The following SFI1 variants were observed in gnomAD, a reference collection of about 807,000 sequenced individuals.
The protein encoded by SFI1 is protein SFI1 homolog.
In SFI1, 195 loss-of-function variants were observed where a neutral mutation model predicts 207.5. The observed-to-expected ratio is 0.94, with a 90% CI of 0.84 to 1.06. The LOEUF (loss-of-function observed/expected upper bound fraction) is 1.06, where lower values mean the gene tolerates loss of function less well. SFI1 is among the 50% of genes least tolerant of loss of function. The pLI is 0.00. For missense variants in SFI1, 1,634 were observed against 1,588.0 expected, an observed-to-expected ratio of 1.03 and a Z score of -0.49; for synonymous variants, 630 against 598.9, an observed-to-expected ratio of 1.05 and a Z score of -0.76.
At chr22:31,500,052 G>C (rs1349146432) in intron 1 of SFI1, among the ~76,000 whole-genome samples, 1 of 148,872 alleles carries the variant, frequency 6.7e-6, no homozygotes, top group Non-Finnish European at 1.5e-5. Flanking sequence ...TGCATTACAG[G>C]CTCATGCCTG....
chr22:31,521,652 A>G (rs1188523682), intron 2 of SFI1: 1 of 152,208 alleles, frequency 6.6e-6, no homozygotes, highest in African/African-American at 2.4e-5. Flanking sequence ...ACACAGTGAG[A>G]TCCTACCACC....
At chr22:31,577,200 G>A (rs529796104) in intron 10 of SFI1, among the ~76,000 whole-genome samples, 2 of 152,280 alleles carry the variant, frequency 1.3e-5, no homozygotes, top group East Asian at 1.9e-4. Flanking sequence ...CTGTGAGAGC[G>A]ACTGTGGAGA....
At chr22:31,564,354 A>G (rs570893656) in intron 8 of SFI1, among the ~76,000 whole-genome samples, 5 of 151,580 alleles carry the variant, frequency 3.3e-5, no homozygotes, top group African/African-American at 7.3e-5. Flanking sequence ...ATTAGCAGCT[A>G]GCCAAGTACT....
chr22:31,521,640 A>G (rs986151763), intron 2 of SFI1: 1 of 152,332 alleles, frequency 6.6e-6, no homozygotes, highest in African/African-American at 2.4e-5. Flanking sequence ...GGCTAGTCAG[A>G]CACACAGTGA....
intron 14 of SFI1, among the ~76,000 whole-genome samples, chr22:31,586,226 A>G (rs537239465): frequency 1.5e-4 from 23 of 151,908 alleles, no homozygotes; most frequent in African/African-American, 5.1e-4. Flanking sequence ...TCCAGCTCAG[A>G]TGTCACCTCC....
At chr22:31,602,064 C>A in intron 15 of SFI1, 148 bp from the exon 16 acceptor site, 2 of 686,002 alleles carry the variant, frequency 2.9e-6, no homozygotes, top group East Asian at 5.2e-5. Context: ...GGATTGCAGA[C>A]ATGGGCCACT....
intron 15 of SFI1, among the ~76,000 whole-genome samples, chr22:31,601,193 G>A (rs1238097367): frequency 1.4e-5 from 2 of 144,952 alleles, no homozygotes; most frequent in South Asian, 2.2e-4. Context: ...GCACGATCTC[G>A]GCTCACTGCA....
At chr22:31,567,198 C>T (rs1413621805) in intron 8 of SFI1, among the ~76,000 whole-genome samples, 1 of 152,236 alleles carries the variant, frequency 6.6e-6, no homozygotes, top group Non-Finnish European at 1.5e-5. Flanking sequence ...AGCCACCGCA[C>T]CTGGCCAAGC....
intron 22 of SFI1, 150 bp from the exon 23 acceptor site, chr22:31,610,992 GC>G (rs982401922): frequency 2.0e-5 from 20 of 1,000,994 alleles, no homozygotes; most frequent in Middle Eastern, 2.9e-4. Context: ...CTAGAGAGGG[GC>G]CATGGTCCAT....
intron 1 of SFI1, among the ~76,000 whole-genome samples, chr22:31,506,232 G>T (rs2054616418): frequency 2.6e-5 from 4 of 151,972 alleles, no homozygotes. Context: ...ACTTTTAGTA[G>T]AGATGGAGTT....
chr22:31,577,775 A>G (rs1265059271), intron 10 of SFI1, among the ~76,000 whole-genome samples: 4 of 152,142 alleles, frequency 2.6e-5, no homozygotes, highest in Non-Finnish European at 5.9e-5. Flanking sequence ...TTTGGAAAGG[A>G]TAATTCTGGA....
At chr22:31,590,080 C>CGCAG (rs1185246108) in intron 15 of SFI1, among the ~76,000 whole-genome samples, 1 of 151,658 alleles carries the variant, frequency 6.6e-6, no homozygotes, top group Non-Finnish European at 1.5e-5. Flanking sequence ...GATCTGCCCA[C>CGCAG]GCAGGCAGGC....
chr22:31,588,882 T>C (rs73400239), intron 14 of SFI1, among the ~76,000 whole-genome samples: 1,678 of 151,952 alleles, frequency 0.011, 35 homozygotes, highest in African/African-American at 0.038. Flanking sequence ...ATATGCTTTT[T>C]CCCCCCAAAG....
intron 4 of SFI1, among the ~76,000 whole-genome samples, chr22:31,541,029 C>G (rs1377640071): frequency 2.0e-5 from 3 of 152,116 alleles, no homozygotes; most frequent in Non-Finnish European, 4.4e-5. Flanking sequence ...CGGAGATATA[C>G]CTGAGTCTTT....
chr22:31,534,650 C>G (rs186500510), intron 4 of SFI1, among the ~76,000 whole-genome samples: 21 of 152,234 alleles, frequency 1.4e-4, no homozygotes, highest in African/African-American at 4.8e-4. Flanking sequence ...TGTCCTATGG[C>G]TTCCATTTCT....
intron 12 of SFI1, among the ~76,000 whole-genome samples, chr22:31,582,222 A>T (rs8142228): frequency 1.3e-4 from 4 of 31,490 alleles, no homozygotes; most frequent in Non-Finnish European, 2.3e-4. Context: ...ATATATATAT[A>T]TATATATATA....
At chr22:31,512,761 A>C (rs558705512) in intron 2 of SFI1, among the ~76,000 whole-genome samples, 2 of 151,924 alleles carry the variant, frequency 1.3e-5, no homozygotes, top group African/African-American at 2.4e-5. Flanking sequence ...ATCTCGGCTC[A>C]GTGCAAGCTC....
At chr22:31,501,408 T>C (rs529082068) in intron 1 of SFI1, among the ~76,000 whole-genome samples, 2 of 151,166 alleles carry the variant, frequency 1.3e-5, no homozygotes, top group South Asian at 4.2e-4. Flanking sequence ...CCTGACCTCA[T>C]GACCGCCCAT....
At chr22:31,513,910 G>A (rs1450324268) in intron 2 of SFI1, among the ~76,000 whole-genome samples, 1 of 151,618 alleles carries the variant, frequency 6.6e-6, no homozygotes, top group Non-Finnish European at 1.5e-5. Context: ...GAGGCGGGTG[G>A]ATTACCTGAG....
Sources: allele counts gnomAD v4.1 joint callset (sites outside exome capture counted in the v4.1 genomes callset), GRCh38; gene constraint gnomAD v4.1.1; transcripts MANE v1.5; gene names NCBI Gene and HGNC (gene_info 2026-07-23, HGNC 2026-07-21).